The following FGR variants were observed in gnomAD, a reference collection of about 807,000 sequenced individuals.
FGR encodes the protein tyrosine-protein kinase Fgr.
In FGR, 26 loss-of-function variants were observed where a neutral mutation model predicts 63.2. The ratio of observed to expected loss-of-function variants is 0.41; its 90% CI spans 0.30 to 0.57. FGR has a LOEUF of 0.57. Among genes scored for constraint, FGR ranks in the 20% least tolerant of loss-of-function variants. FGR has a pLI of 0.27. For synonymous variants in FGR, 286 were observed against 277.7 expected (o/e 1.03, Z -0.30); for missense variants, 511 against 690.8 (o/e 0.74, Z 2.92).
chr1:27,626,914 C>T (rs1172780456), intron 1 of FGR, among the ~76,000 whole-genome samples: 1 of 152,108 alleles, frequency 6.6e-6, no homozygotes, highest in African/African-American at 2.4e-5. Context: ...CACCTGCTAT[C>T]CCAGGACTTT....
chr1:27,615,370 A>C lies in FGR; in HGVS notation c.1018+64T>G, dbSNP rs2089785590. 1 of 1,534,240 alleles carries C rather than the reference A, an allele frequency of 6.5e-7. No homozygotes were observed. The highest frequency in any genetic ancestry group is 8.9e-7 in the Non-Finnish European group (1 of 1,127,172). On this transcript the variant is annotated intron_variant, in intron 9 of 12. Coordinates refer to ENST00000374005, the MANE Select transcript of FGR (RefSeq NM_005248.3). The surrounding 1 kb of genome is among the most constrained non-coding windows in gnomAD (Gnocchi z 7.6). ...CCTCACAGATCGCGTCCCAGGTCCC[A>C]CGCCTGAAAACTCCCCTCTTAACTT...
chr1:27,623,588 C>A, intron 3 of FGR, 103 bp downstream of exon 3: 1 of 1,186,258 alleles, frequency 8.4e-7, no homozygotes, highest in Non-Finnish European at 1.2e-6. Flanking sequence ...TTGTATCTGC[C>A]ACATCCTCCT....
chr1:27,617,629 C>T lies in FGR; in HGVS notation c.429-333G>A, dbSNP rs1363583529. On this transcript the variant is annotated intron_variant, in intron 5 of 12. Transcript: ENST00000374005. This position sits in a 1 kb window ranked among gnomAD's most constrained non-coding sequence, Gnocchi z 4.5. The stretch of plus-strand genomic sequence containing the variant: ...CATTTTACAGATGAGGAAGTTGAGG[C>T]TCAGAGAGGGAAAGTGACCTGTCCA... Among the ~76,000 whole-genome samples the T allele has an allele frequency of 6.6e-6, 1 of 152,160 alleles. No individual in the cohort carries two copies. The highest frequency in any genetic ancestry group is 1.5e-5 in the Non-Finnish European group (1 of 68,026).
chr1:27,615,434 C>A lies in FGR; in HGVS notation c.1018G>T (p.Gly340Cys). ...GCCCGACCAGGCTCCGCCTCCTGAC[C>A]GTGACACATGAACTCGGTCACGATG... ...IYIVTEFMCHGSLLDFLKNPE... is the reference protein window; with the variant it reads ...IYIVTEFMCHCSLLDFLKNPE... Residue 340 changes from glycine to cysteine, a missense_variant and splice_region_variant, in exon 9 of 13, where the codon GGC (glycine) becomes TGC (cysteine). Gly to Cys is a radical substitution (Grantham distance 159). Transcript: ENST00000374005. This position sits in a 1 kb window ranked among gnomAD's most constrained non-coding sequence, Gnocchi z 7.6. 6.3e-7 allele frequency: 1 copy of A among 1,595,498 alleles called. No individual in the cohort carries two copies. Among genetic ancestry groups the A allele is most frequent in the Non-Finnish European group, 8.6e-7 (1 of 1,164,550 alleles).
intron 1 of FGR, among the ~76,000 whole-genome samples, chr1:27,627,447 AACACACACACAC>A (rs3076985): frequency 2.0e-5 from 3 of 148,394 alleles, no homozygotes; most frequent in African/African-American, 7.4e-5. Flanking sequence ...CATGCACATG[AACACACACACAC>A]ACACACACAC....
chr1:27,615,717 G>C lies in FGR; in HGVS notation c.810C>G (p.Gly270=). 6.2e-7 allele frequency: 1 copy of C among 1,606,756 alleles called. No individual in the cohort carries two copies. The highest frequency in any genetic ancestry group is 1.3e-5 in the African/African-American group (1 of 74,810). Residue 270 remains glycine, a synonymous_variant, in exon 8 of 13, where the codon GGC becomes GGG. Transcript: ENST00000374005. This position sits in a 1 kb window ranked among gnomAD's most constrained non-coding sequence, Gnocchi z 7.6. ...RSSITLERRL[G]TGCFGDVWLG... is the part of the protein sequence containing the mutation. ...GCCACACATCCCCGAAGCAGCCGGT[G>C]CCCAGCCGGCGCTCCAGCGTGATGG...
Position 27,613,719 on chromosome 1 carries a change from GAGAC to G in FGR, c.1250-373_1250-370del, listed in dbSNP as rs374751685. Among the ~76,000 whole-genome samples the G allele has an allele frequency of 2.2e-3, 296 of 137,442 alleles. 3 individuals are homozygous for G. The highest frequency in any genetic ancestry group is 7.9e-3 in the African/African-American group (286 of 36,182). The allele number at this position is 137,442 out of a possible 152,430, so 90.2% of individuals were successfully genotyped here. A position where few individuals can be genotyped will look rare whatever the true frequency, so the allele number is the denominator to read the frequency against. On this transcript the variant is annotated intron_variant, in intron 11 of 12. Transcript: ENST00000374005. ...CAAAAAAAAAAAAAAAAAAAAAAAA[GAGAC>G]AGAGAGAGAATGGGGACTCTAGGGA...
At chr1:27,627,389 C>T (rs772143705) in intron 1 of FGR, among the ~76,000 whole-genome samples, 3 of 151,912 alleles carry the variant, frequency 2.0e-5, no homozygotes, top group Non-Finnish European at 4.4e-5. Flanking sequence ...TGTACACACA[C>T]CCCATATACA....
At position 27,612,629 on chromosome 1, in the gene FGR, C is replaced by T. The variant is rs529574066; in HGVS notation, c.*285G>A. On this transcript the variant is annotated 3_prime_UTR_variant, in exon 13 of 13. Coordinates refer to ENST00000374005, the MANE Select transcript of FGR (RefSeq NM_005248.3). ...TAAATAACTAGACAAGGTCTGAGCA[C>T]TTTGGGTGGGGATGGAGTGAGAAAG... 4 of 411,120 alleles carry T rather than the reference C, an allele frequency of 9.7e-6. No homozygotes were observed. In the South Asian group the frequency reaches 1.4e-4, roughly 15 times the overall value. The allele number at this position is 411,120 out of a possible 1,614,324, so 25.5% of individuals were successfully genotyped here. A position where few individuals can be genotyped will look rare whatever the true frequency, so the allele number is the denominator to read the frequency against.
rs1286491125 is a variant in FGR at position 27,612,293 on chromosome 1, AT to A, written c.*620del. ...CCAAAGGAAGGTTCAAGGGTATTTCATGGTTTGAGGATTCATATTGTCATTT... is the reference window on the plus strand; with the variant it reads ...CCAAAGGAAGGTTCAAGGGTATTTCAGGTTTGAGGATTCATATTGTCATTT... On this transcript the variant is annotated 3_prime_UTR_variant, in exon 13 of 13. Transcript: ENST00000374005. 1 of 152,442 alleles carries A rather than the reference AT, an allele frequency of 6.6e-6. No individual in the cohort carries two copies. 9.4% of individuals were successfully genotyped at this position (152,442 alleles called of 1,614,324 possible).
In FGR at chr1:27,623,833, G is replaced by A. The variant is rs772648999; in HGVS notation, c.84C>T (p.Tyr28=). Residue 28 remains tyrosine (Y), a synonymous_variant, in exon 3 of 13, where the codon TAC becomes TAT. Transcript: ENST00000374005. The stretch of plus-strand genomic sequence containing the variant: ...CAGGCCCATAGTGGTCTGCTGCCCC[G>A]TAGCTTCTGAAGTCCCCTTCCAGGC... ...DAGLEGDFRS[Y]GAADHYGPDP... is the part of the protein sequence containing the mutation. The A allele has an allele frequency of 1.2e-5, 20 of 1,614,006 alleles. No individual in the cohort carries two copies. The highest frequency in any genetic ancestry group is 1.2e-4 in the South Asian group (11 of 91,086).
At chr1:27,622,200 G>A (rs1213246262) in intron 4 of FGR, among the ~76,000 whole-genome samples, 1 of 148,582 alleles carries the variant, frequency 6.7e-6, no homozygotes, top group Non-Finnish European at 1.5e-5. Context: ...GTAGTCCCAG[G>A]ATCACTGGAA....
chr1:27,628,645 C>T (rs2090061046), intron 1 of FGR, among the ~76,000 whole-genome samples: 1 of 152,158 alleles, frequency 6.6e-6, no homozygotes, highest in Non-Finnish European at 1.5e-5. Context: ...CTCATGTTCA[C>T]ACACAGATAC....
chr1:27,623,494 C>T, intron 3 of FGR, 197 bp downstream of exon 3: 1 of 663,660 alleles, frequency 1.5e-6, no homozygotes, highest in South Asian at 1.7e-5. Flanking sequence ...GGGAGTAGAG[C>T]TTCTTGACCC....
chr1:27,624,749 G>A (rs1393387426), intron 2 of FGR, among the ~76,000 whole-genome samples: 1 of 152,040 alleles, frequency 6.6e-6, no homozygotes, highest in Non-Finnish European at 1.5e-5. Context: ...CTGTGTCTGT[G>A]TGTCTATGAA....
Position 27,623,806 on chromosome 1 carries a change from G to C in FGR, c.111C>G (p.Asp37Glu), listed in dbSNP as rs1297681498. The C allele has an allele frequency of 6.2e-7, 1 of 1,614,112 alleles. No individual in the cohort carries two copies. The highest frequency in any genetic ancestry group is 1.7e-5 in the Admixed American group (1 of 60,008). The change falls in exon 3 of 13, where the codon GAC becomes GAG. Residue 37 changes from aspartate (D) to glutamate (E), a missense_variant. Physicochemically the swap from Asp to Glu is conservative, Grantham distance 45. Coordinates refer to ENST00000374005, the MANE Select transcript of FGR (RefSeq NM_005248.3). ...AGGATGCAGGCCGGGCCTTAGTGGG[G>C]TCAGGCCCATAGTGGTCTGCTGCCC... ...SYGAADHYGP[D>E]PTKARPASSF...
At chr1:27,620,991 C>CAAAAAAAAAAA (rs59265327) in intron 5 of FGR, among the ~76,000 whole-genome samples, 10 of 22,038 alleles carry the variant, frequency 4.5e-4, no homozygotes, top group East Asian at 1.5e-3. Flanking sequence ...GACCCTGTCT[C>CAAAAAAAAAAA]AAAAAAAAAA....
intron 3 of FGR, 49 bp from the exon 4 acceptor site, chr1:27,623,193 C>G: frequency 7.1e-7 from 1 of 1,405,894 alleles, no homozygotes; most frequent in South Asian, 1.2e-5. Flanking sequence ...GCAGAAGCAC[C>G]AAGGGGGCTG....
Position 27,615,455 on chromosome 1 carries a change from C to A in FGR, c.997G>T (p.Val333Leu), listed in dbSNP as rs901527530. 1 of 1,602,678 alleles carries A rather than the reference C, an allele frequency of 6.2e-7. No individual in the cohort carries two copies. The highest frequency in any genetic ancestry group is 8.5e-7 in the Non-Finnish European group (1 of 1,170,414). ...AVVSEEPIYI[V>L]TEFMCHGSLL... ...TGACCGTGACACATGAACTCGGTCA[C>A]GATGTAGATGGGCTCCTCCGACACC... The change falls in exon 9 of 13, where the codon GTG becomes TTG. Residue 333 changes from valine (V) to leucine (L), a missense_variant. Physicochemically the swap from Val to Leu is conservative, Grantham distance 32. Transcript: ENST00000374005. The surrounding 1 kb of genome is among the most constrained non-coding windows in gnomAD (Gnocchi z 7.6).
Sources: allele counts gnomAD v4.1 joint callset (sites outside exome capture counted in the v4.1 genomes callset), GRCh38; gene constraint gnomAD v4.1.1; non-coding constraint Gnocchi (gnomAD v3.1); transcripts MANE v1.5; gene names NCBI Gene and HGNC (gene_info 2026-07-23, HGNC 2026-07-21).